The following ULK4 variants were observed in gnomAD, a reference collection of about 807,000 sequenced individuals.
ULK4 encodes unc-51 like kinase 4, also known as inactive serine/threonine-protein kinase ULK4.
In ULK4, 133 loss-of-function variants were observed where a neutral mutation model predicts 160.6. The ratio of observed to expected loss-of-function variants is 0.83; its 90% CI spans 0.72 to 0.96. The LOEUF is 0.96. Ranked by LOEUF, ULK4 falls within the 40% of genes least tolerant of loss-of-function variation. The probability of loss-of-function intolerance (pLI) is 0.00; values close to 1 mark genes in which losing one functional copy is unlikely to be tolerated. For missense variants in ULK4, 1,580 were observed against 1,499.5 expected, an observed-to-expected ratio of 1.05 and a Z score of -0.89; for synonymous variants, 534 against 539.8, an observed-to-expected ratio of 0.99 and a Z score of 0.15.
At chr3:41,883,582 C>T (rs961330783) in intron 17 of ULK4, among the ~76,000 whole-genome samples, 3 of 152,124 alleles carry the variant, frequency 2.0e-5, no homozygotes, top group African/African-American at 7.2e-5. Context: ...GTTGGACAGA[C>T]TATAAGAAAA....
chr3:41,902,850 T>G (rs963031782), intron 12 of ULK4, among the ~76,000 whole-genome samples: 2 of 152,178 alleles, frequency 1.3e-5, no homozygotes, highest in African/African-American at 4.8e-5. Flanking sequence ...ATAACAAAGA[T>G]TAAAACAAAC....
intron 35 of ULK4, among the ~76,000 whole-genome samples, chr3:41,377,548 C>T (rs1199777158): frequency 6.8e-6 from 1 of 147,344 alleles, no homozygotes; most frequent in Non-Finnish European, 1.5e-5. Context: ...ACAACCCCAT[C>T]AAAAAGTGGG....
At chr3:41,329,762 T>C (rs1279716350) in intron 35 of ULK4, among the ~76,000 whole-genome samples, 2 of 152,212 alleles carry the variant, frequency 1.3e-5, no homozygotes, top group African/African-American at 2.4e-5. Context: ...TTTTCACTAA[T>C]ACAAGGTAGC....
chr3:41,644,864 T>C (rs2034406801), intron 30 of ULK4, among the ~76,000 whole-genome samples: 1 of 152,230 alleles, frequency 6.6e-6, no homozygotes, highest in Non-Finnish European at 1.5e-5. Context: ...ATTGCCACAA[T>C]TTCAGATACT....
At chr3:41,728,662 G>A (rs931567433) in intron 22 of ULK4, among the ~76,000 whole-genome samples, 14 of 152,126 alleles carry the variant, frequency 9.2e-5, no homozygotes, top group African/African-American at 2.9e-4. Context: ...AGAGGAAACT[G>A]AGGAAGAGTG....
chr3:41,396,009 T>G (rs2082051475), intron 35 of ULK4, among the ~76,000 whole-genome samples: 1 of 152,158 alleles, frequency 6.6e-6, no homozygotes, highest in Non-Finnish European at 1.5e-5. Context: ...GGGGTCTTAT[T>G]AATTAATCTG....
chr3:41,364,109 T>C (rs983720749), intron 35 of ULK4, among the ~76,000 whole-genome samples: 1 of 152,194 alleles, frequency 6.6e-6, no homozygotes, highest in Non-Finnish European at 1.5e-5. Flanking sequence ...TTTAAAAATA[T>C]ATATTTTTTG....
chr3:41,763,198 T>C (rs1157247951), intron 21 of ULK4, among the ~76,000 whole-genome samples: 2 of 152,042 alleles, frequency 1.3e-5, no homozygotes, highest in Admixed American at 1.3e-4. Flanking sequence ...CCCATAATTA[T>C]ATAAAAGAAT....
At chr3:41,605,512 G>T (rs1208834707) in intron 31 of ULK4, among the ~76,000 whole-genome samples, 1 of 151,836 alleles carries the variant, frequency 6.6e-6, no homozygotes, top group African/African-American at 2.4e-5. Context: ...GATAAAAAGG[G>T]TCATCTCATA....
chr3:41,895,335 G>C (rs73087378), intron 16 of ULK4, among the ~76,000 whole-genome samples, 183 bp downstream of exon 16: 4 of 151,982 alleles, frequency 2.6e-5, no homozygotes, highest in African/African-American at 9.7e-5. Context: ...TAGGAGAAGG[G>C]CTATTTTTAA....
chr3:41,385,796 G>C (rs1245980717), intron 35 of ULK4, among the ~76,000 whole-genome samples: 1 of 152,158 alleles, frequency 6.6e-6, no homozygotes, highest in Non-Finnish European at 1.5e-5. Flanking sequence ...GAAACTTAGA[G>C]AGGTTGTGTC....
At chr3:41,937,615 C>A (rs1394931297) in intron 3 of ULK4, among the ~76,000 whole-genome samples, 3 of 152,204 alleles carry the variant, frequency 2.0e-5, no homozygotes, top group Non-Finnish European at 2.9e-5. Flanking sequence ...TATTTAGTCA[C>A]CTTTCTCCCT....
intron 1 of ULK4, among the ~76,000 whole-genome samples, chr3:41,959,154 A>G (rs1348432012): frequency 6.6e-6 from 1 of 152,204 alleles, no homozygotes; most frequent in Non-Finnish European, 1.5e-5. Flanking sequence ...ACCTGAGGTC[A>G]GGAGATCAAG....
At chr3:41,447,481 C>T (rs2083327287) in intron 34 of ULK4, among the ~76,000 whole-genome samples, 2 of 152,058 alleles carry the variant, frequency 1.3e-5, no homozygotes, top group Admixed American at 6.5e-5. Flanking sequence ...CATATTGCTA[C>T]ATGACAGCCA....
chr3:41,706,846 A>T (rs796787488), intron 25 of ULK4, among the ~76,000 whole-genome samples: 24,390 of 129,336 alleles, frequency 0.19, 6,605 homozygotes, highest in African/African-American at 0.61. Context: ...AAAAAAAAAA[A>T]ATATGTGTGT....
intron 2 of ULK4, among the ~76,000 whole-genome samples, chr3:41,945,401 G>A (rs1440478834): frequency 1.3e-5 from 2 of 152,102 alleles, no homozygotes; most frequent in African/African-American, 4.8e-5. Context: ...TAGCTCCCCA[G>A]AGCCTGAGGA....
At chr3:41,458,802 C>A (rs1479875620) in intron 33 of ULK4, among the ~76,000 whole-genome samples, 4 of 152,186 alleles carry the variant, frequency 2.6e-5, no homozygotes, top group Non-Finnish European at 4.4e-5. Flanking sequence ...TTCATCCAGG[C>A]TGGAGTGCAG....
At chr3:41,870,976 T>A (rs982775598) in intron 17 of ULK4, among the ~76,000 whole-genome samples, 1 of 152,110 alleles carries the variant, frequency 6.6e-6, no homozygotes, top group Non-Finnish European at 1.5e-5. Flanking sequence ...TCTCACAAGA[T>A]CTGATGGTTT....
At chr3:41,265,329 C>T in intron 35 of ULK4, among the ~76,000 whole-genome samples, 1 of 152,234 alleles carries the variant, frequency 6.6e-6, no homozygotes, top group East Asian at 1.9e-4. Context: ...CCTTGCTGAG[C>T]ATGAGTCACA....
Sources: allele counts gnomAD v4.1 joint callset (sites outside exome capture counted in the v4.1 genomes callset), GRCh38; gene constraint gnomAD v4.1.1; transcripts MANE v1.5; gene names NCBI Gene and HGNC (gene_info 2026-07-23, HGNC 2026-07-21).